Variants in CCL28 observed in about 807,000 individuals in gnomAD.
CCL28 encodes the protein C-C motif chemokine ligand 28.
In CCL28, 4 loss-of-function variants were observed where a neutral mutation model predicts 7.1. The ratio of observed to expected loss-of-function variants is 0.56; its 90% CI spans 0.28 to 1.29. The LOEUF (loss-of-function observed/expected upper bound fraction) is 1.29. Among genes scored for constraint, CCL28 ranks in the 50% most tolerant of loss-of-function variants. The probability of loss-of-function intolerance (pLI) is 0.11; values close to 1 mark genes in which losing one functional copy is unlikely to be tolerated. For missense variants in CCL28, 151 were observed against 163.4 expected, an observed-to-expected ratio of 0.92 and a Z score of 0.41; for synonymous variants, 55 against 57.8, an observed-to-expected ratio of 0.95 and a Z score of 0.22.
chr5:43,358,358 C>A, the CCL28 span, among the ~76,000 whole-genome samples: 1 of 152,066 alleles, frequency 6.6e-6, no homozygotes, highest in Non-Finnish European at 1.5e-5. Context: ...AAAGCAAAAA[C>A]AGAGAACAAA....
chr5:43,378,080 T>C (rs1472324576), downstream of CCL28, among the ~76,000 whole-genome samples: 2 of 152,154 alleles, frequency 1.3e-5, no homozygotes, highest in Admixed American at 6.5e-5. Flanking sequence ...CAGTGGCTCA[T>C]GCCTGTAATC....
intron 1 of CCL28, among the ~76,000 whole-genome samples, chr5:43,393,158 C>A (rs994225786): frequency 1.3e-5 from 2 of 152,128 alleles, no homozygotes; most frequent in African/African-American, 4.8e-5. Flanking sequence ...GAAACCACTT[C>A]CCCCTTTATT....
At chr5:43,396,587 A>C (rs1449724168) in intron 1 of CCL28, among the ~76,000 whole-genome samples, 2 of 152,212 alleles carry the variant, frequency 1.3e-5, no homozygotes. Flanking sequence ...GTTAAAGAGG[A>C]AACCACAAAA....
intron 1 of CCL28, among the ~76,000 whole-genome samples, chr5:43,404,083 C>T (rs1741161042): frequency 6.6e-6 from 1 of 152,216 alleles, no homozygotes; most frequent in African/African-American, 2.4e-5. Flanking sequence ...GGAAAACACT[C>T]TTCAGGATAT....
the CCL28 span, among the ~76,000 whole-genome samples, chr5:43,369,028 AAGAGAGAAAGAGAGAGAGAG>A: frequency 1.2e-4 from 3 of 26,086 alleles, no homozygotes; most frequent in East Asian, 8.2e-4. Context: ...GGGAGAGAGA[AAGAGAGAAAGAGAGAGAGAG>A]AGAGAGAGAG....
Position 43,379,961 on chromosome 5 carries a change from A to C in CCL28, c.*1899T>G, listed in dbSNP as rs1740037940. On this transcript the variant is annotated 3_prime_UTR_variant, in exon 3 of 3. Transcript: ENST00000361115. The stretch of plus-strand genomic sequence containing the variant: ...GTGGGAAAACCCCGTCTCTACTAAA[A>C]ATACAAAAATCAGCGGGGTGTGGTG... 1 of 152,170 alleles carries C rather than the reference A, an allele frequency of 6.6e-6. No homozygotes were observed. Among genetic ancestry groups the C allele is most frequent in the South Asian group, 2.1e-4 (1 of 4,830 alleles). 9.4% of individuals were successfully genotyped at this position (152,170 alleles called of 1,614,324 possible).
At chr5:43,396,692 G>C (rs757970106) in intron 1 of CCL28, among the ~76,000 whole-genome samples, 4 of 151,110 alleles carry the variant, frequency 2.6e-5, no homozygotes, top group Non-Finnish European at 4.4e-5. Context: ...ACACATACAC[G>C]AAAAAAACGT....
rs775586405 is a variant in CCL28, at chr5:43,388,392, C to T, written c.149G>A (p.Arg50His). ...ACAATCCCCATCAGCTCTCTGGATGCGACACATATTCACTCTTTCCAGGAG... is the reference window on the plus strand; with the variant it reads ...ACAATCCCCATCAGCTCTCTGGATGTGACACATATTCACTCTTTCCAGGAG... ...RRLLERVNMC[R>H]IQRADGDCDL... Residue 50 changes from arginine to histidine, a missense_variant, in exon 2 of 3, where the codon CGC becomes CAC. By Grantham distance (29) the Arg-to-His change is conservative (BLOSUM62 0). Transcript: ENST00000361115. 22 of 1,613,950 alleles carry T rather than the reference C, an allele frequency of 1.4e-5. No homozygotes were observed. The highest frequency in any genetic ancestry group is 6.7e-5 in the East Asian group (3 of 44,894).
downstream of CCL28, among the ~76,000 whole-genome samples, chr5:43,374,311 G>A (rs1476059273): frequency 6.6e-6 from 1 of 152,236 alleles, no homozygotes; most frequent in Non-Finnish European, 1.5e-5. Context: ...GTCAGGAATA[G>A]TGAGGAAGAG....
chr5:43,404,622 A>G (rs1323626182), intron 1 of CCL28, among the ~76,000 whole-genome samples: 1 of 152,210 alleles, frequency 6.6e-6, no homozygotes, highest in Non-Finnish European at 1.5e-5. Context: ...ATAACCAGCT[A>G]GCATCATAAT....
the CCL28 span, among the ~76,000 whole-genome samples, chr5:43,368,332 T>C: frequency 1.3e-5 from 2 of 152,188 alleles, no homozygotes; most frequent in East Asian, 1.9e-4. Flanking sequence ...ATATCCTTTT[T>C]CCCCATCTTT....
rs542365360 is a variant in CCL28 at position 43,381,103 on chromosome 5, G to T, written c.*757C>A. 6.6e-6 allele frequency: 1 copy of T among 152,124 alleles called. No individual in the cohort carries two copies. The highest frequency in any genetic ancestry group is 6.5e-5 in the Admixed American group (1 of 15,280). The allele number at this position is 152,124 out of a possible 1,614,324, so 9.4% of individuals were successfully genotyped here. A position where few individuals can be genotyped will look rare whatever the true frequency, so the allele number is the denominator to read the frequency against. On this transcript the variant is annotated 3_prime_UTR_variant, in exon 3 of 3. Coordinates refer to ENST00000361115, the MANE Select transcript of CCL28 (RefSeq NM_148672.3). ...ACCAAAAAGAAACTAGGGGTGAAGTGTCATGATTTTTGCAACTTATTTTCA... is the reference window on the plus strand; with the variant it reads ...ACCAAAAAGAAACTAGGGGTGAAGTTTCATGATTTTTGCAACTTATTTTCA...
intron 2 of CCL28, among the ~76,000 whole-genome samples, chr5:43,385,586 A>G (rs1297584668): frequency 1.3e-5 from 2 of 152,206 alleles, no homozygotes. Flanking sequence ...GAGAATCTTT[A>G]TCTATTCTTG....
chr5:43,403,871 C>T (rs866936391), intron 1 of CCL28, among the ~76,000 whole-genome samples: 6 of 152,120 alleles, frequency 3.9e-5, no homozygotes, highest in Admixed American at 2.0e-4. Flanking sequence ...ATGCAGAAGC[C>T]TCAGTAGCCG....
chr5:43,385,854 C>G (rs1046295941), intron 2 of CCL28, among the ~76,000 whole-genome samples: 1 of 152,140 alleles, frequency 6.6e-6, no homozygotes, highest in African/African-American at 2.4e-5. Flanking sequence ...ATTATATTTT[C>G]CCTTATCACA....
At position 43,392,493 on chromosome 5, in the gene CCL28, C is replaced by T. The variant is rs1383560553; in HGVS notation, c.65-4017G>A. Among the ~76,000 whole-genome samples, 3 of 152,268 alleles carry T rather than the reference C, an allele frequency of 2.0e-5. No individual in the cohort carries two copies. In the South Asian group the frequency reaches 6.2e-4, roughly 32 times the overall value. ...GGAACACATTTGGAGAACCACCGTT[C>T]TTGAAAAACAGATTTACACATGGAA... On this transcript the variant is annotated intron_variant, in intron 1 of 2. Transcript: ENST00000361115.
chr5:43,403,234 G>A (rs896849992), intron 1 of CCL28, among the ~76,000 whole-genome samples: 3 of 152,254 alleles, frequency 2.0e-5, no homozygotes, highest in African/African-American at 7.2e-5. Context: ...CCTGACCCCT[G>A]AGTAGCCTAA....
intron 1 of CCL28, among the ~76,000 whole-genome samples, chr5:43,411,955 T>C (rs1041245753): frequency 1.3e-5 from 2 of 152,212 alleles, no homozygotes; most frequent in African/African-American, 4.8e-5. Context: ...GCTGGGGATT[T>C]TCTAAGATAC....
intron 1 of CCL28, among the ~76,000 whole-genome samples, chr5:43,388,947 A>G (rs1394794761): frequency 1.3e-5 from 2 of 152,246 alleles, no homozygotes; most frequent in Non-Finnish European, 2.9e-5. Flanking sequence ...AATAATCCCA[A>G]CACAGCAAAA....
Sources: gnomAD v4.1 joint callset for allele counts (sites outside exome capture counted in the v4.1 genomes callset) on GRCh38, gnomAD v4.1.1 for gene constraint, MANE v1.5 for transcripts, NCBI Gene and HGNC (gene_info 2026-07-23, HGNC 2026-07-21) for gene names.